The following LRBA variants were observed in gnomAD, a reference collection of about 807,000 sequenced individuals.
LRBA encodes the protein lipopolysaccharide-responsive and beige-like anchor protein.
In LRBA, 176 loss-of-function variants were observed where a neutral mutation model predicts 330.0. That is an observed-to-expected ratio of 0.53 (90% CI 0.47 to 0.60). The LOEUF (loss-of-function observed/expected upper bound fraction) is 0.60, where lower values mean the gene tolerates loss of function less well. Among genes scored for constraint, LRBA ranks in the 20% least tolerant of loss-of-function variants. LRBA has a pLI of 0.00. For synonymous variants in LRBA, 1,230 were observed against 1,193.0 expected (o/e 1.03, Z -0.64); for missense variants, 3,259 against 3,444.8 (o/e 0.95, Z 1.35).
intron 2 of LRBA, among the ~76,000 whole-genome samples, chr4:150,958,272 C>A (rs1225814842): frequency 6.7e-6 from 1 of 149,182 alleles, no homozygotes; most frequent in Non-Finnish European, 1.5e-5. Context: ...CTTCTGTGCA[C>A]CCAAAGGCCC....
chr4:150,705,051 A>T (rs1305114683), intron 36 of LRBA, among the ~76,000 whole-genome samples: 1 of 152,182 alleles, frequency 6.6e-6, no homozygotes, highest in Non-Finnish European at 1.5e-5. Flanking sequence ...GTACTACATG[A>T]ATAAAAATTT....
At chr4:150,685,969 A>G (rs1300707668) in intron 36 of LRBA, among the ~76,000 whole-genome samples, 3 of 152,216 alleles carry the variant, frequency 2.0e-5, no homozygotes, top group East Asian at 3.9e-4. Context: ...GGAATGCAGA[A>G]TGAGTATAGA....
At chr4:150,678,257 A>G (rs1782749206) in intron 37 of LRBA, among the ~76,000 whole-genome samples, 1 of 151,268 alleles carries the variant, frequency 6.6e-6, no homozygotes, top group African/African-American at 2.4e-5. Context: ...AAAAAAAAAA[A>G]AAGAAAGAAA....
At chr4:150,393,878 T>C (rs957788725) in intron 47 of LRBA, among the ~76,000 whole-genome samples, 1 of 152,218 alleles carries the variant, frequency 6.6e-6, no homozygotes, top group African/African-American at 2.4e-5. Context: ...CAACCAATGC[T>C]AGATTATTAA....
chr4:150,957,427 T>C (rs1443005321), intron 2 of LRBA, among the ~76,000 whole-genome samples: 3 of 148,474 alleles, frequency 2.0e-5, no homozygotes, highest in African/African-American at 7.9e-5. Context: ...CCTGCCCCCA[T>C]GATTCAATTA....
At position 150,832,582 on chromosome 4, in the gene LRBA, T is replaced by C. The variant is rs190756419; in HGVS notation, c.4570-606A>G. Among the ~76,000 whole-genome samples, 229 of 152,144 alleles carry C rather than the reference T, an allele frequency of 1.5e-3. 1 individual carries two copies. Among genetic ancestry groups the C allele is most frequent in the Admixed American group, 2.4e-3 (37 of 15,282 alleles). On this transcript the variant is annotated intron_variant, in intron 28 of 56. Transcript: ENST00000651943. ...CTGCACTCAAGCCTGGGCGACAGAG[T>C]GAGTGAGACTCTATCTCAATCAAGC...
chr4:150,800,587 T>G (rs1741466413), intron 33 of LRBA, among the ~76,000 whole-genome samples: 1 of 152,128 alleles, frequency 6.6e-6, no homozygotes, highest in African/African-American at 2.4e-5. Flanking sequence ...TCTAAGAACA[T>G]CCAAAGGAAG....
chr4:150,387,686 G>C lies in LRBA; in HGVS notation c.7194+27752C>G, dbSNP rs150657937. The stretch of plus-strand genomic sequence containing the variant: ...TCTATAAGAATTCAAGGGGTGAGGA[G>C]GGGGTGGAGTCAGGGAAAAAAGTTC... On this transcript the variant is annotated intron_variant, in intron 47 of 56. Coordinates refer to ENST00000651943, the MANE Select transcript of LRBA (RefSeq NM_001364905.1). Among the ~76,000 whole-genome samples, 14 of 152,242 alleles carry C rather than the reference G, an allele frequency of 9.2e-5. No homozygotes were observed. The South Asian group carries it at 1.0e-3, about 11-fold the overall frequency.
intron 2 of LRBA, among the ~76,000 whole-genome samples, chr4:151,003,884 GCTGTGTGT>G (rs1743701809): frequency 7.7e-6 from 1 of 129,352 alleles, no homozygotes; most frequent in African/African-American, 3.0e-5. Context: ...ATAGCCAACT[GCTGTGTGT>G]GTGTGTGTGT....
Position 150,302,690 on chromosome 4 carries a change from C to G in LRBA, c.7952G>C (p.Arg2651Pro). 1 of 1,613,052 alleles carries G rather than the reference C, an allele frequency of 6.2e-7. No homozygotes were observed. The highest frequency in any genetic ancestry group is 1.7e-4 in the Middle Eastern group (1 of 6,058). Reference sequence around the variant, plus strand: ...ATACCACAGCAAAAGAGTTGCATCACGTGACCCTGAGAGAATGTAGCAATT... The same window carrying G: ...ATACCACAGCAAAAGAGTTGCATCAGGTGACCCTGAGAGAATGTAGCAATT... ...GGNCYILSGSRDATLLLWYWN... is the reference protein window; with the variant it reads ...GGNCYILSGSPDATLLLWYWN... Residue 2651 changes from arginine to proline, a missense_variant, in exon 53 of 57, where the codon CGT (arginine) becomes CCT (proline). By Grantham distance (103) the Arg-to-Pro change is moderately radical. Transcript: ENST00000651943.
intron 36 of LRBA, among the ~76,000 whole-genome samples, chr4:150,705,547 T>A (rs533748786): frequency 4.6e-5 from 7 of 152,062 alleles, no homozygotes; most frequent in African/African-American, 1.4e-4. Context: ...GCATAGAAAG[T>A]TAAAACAACC....
At chr4:150,819,327 G>T (rs999709124) in intron 30 of LRBA, among the ~76,000 whole-genome samples, 1 of 151,622 alleles carries the variant, frequency 6.6e-6, no homozygotes, top group African/African-American at 2.4e-5. Context: ...TATCATGATG[G>T]GGACTTAAGG....
At chr4:150,898,177 C>G (rs1730320733) in intron 14 of LRBA, among the ~76,000 whole-genome samples, 1 of 151,378 alleles carries the variant, frequency 6.6e-6, no homozygotes. Context: ...CAGAAGTTTA[C>G]AAAGAAAAAA....
At chr4:150,560,273 G>A (rs1447231134) in intron 40 of LRBA, among the ~76,000 whole-genome samples, 1 of 151,754 alleles carries the variant, frequency 6.6e-6, no homozygotes, top group Non-Finnish European at 1.5e-5. Flanking sequence ...GAGAGAGCAC[G>A]AATGATAAAT....
At chr4:150,464,927 A>C (rs553750002) in intron 44 of LRBA, among the ~76,000 whole-genome samples, 1 of 152,178 alleles carries the variant, frequency 6.6e-6, no homozygotes, top group African/African-American at 2.4e-5. Context: ...CATAACATAA[A>C]CGTACAGTTC....
chr4:150,916,320 T>C, intron 7 of LRBA, 81 bp downstream of exon 7: 1 of 1,389,876 alleles, frequency 7.2e-7, no homozygotes, highest in South Asian at 1.4e-5. Flanking sequence ...AGCATGTTAT[T>C]ATATGAATAA....
chr4:150,499,689 T>G (rs1227154367), intron 40 of LRBA, among the ~76,000 whole-genome samples: 1 of 151,958 alleles, frequency 6.6e-6, no homozygotes, highest in African/African-American at 2.4e-5. Context: ...TCTATAGTCA[T>G]AAGCTTTCTA....
intron 47 of LRBA, among the ~76,000 whole-genome samples, chr4:150,383,921 C>G (rs1742666004): frequency 6.6e-6 from 1 of 152,150 alleles, no homozygotes; most frequent in Admixed American, 6.5e-5. Flanking sequence ...GCATTACAGT[C>G]TGGCAGGGGT....
chr4:150,668,226 T>C (rs1486310920), intron 37 of LRBA, among the ~76,000 whole-genome samples: 1 of 152,236 alleles, frequency 6.6e-6, no homozygotes, highest in East Asian at 1.9e-4. Context: ...AAACCCAGTA[T>C]GTGCCAATAG....
Sources: allele counts gnomAD v4.1 joint callset (sites outside exome capture counted in the v4.1 genomes callset), GRCh38; gene constraint gnomAD v4.1.1; transcripts MANE v1.5; gene names NCBI Gene and HGNC (gene_info 2026-07-23, HGNC 2026-07-21).